The following CAST variants were observed in gnomAD, a reference collection of about 807,000 sequenced individuals.
CAST encodes the protein calpastatin.
CAST carries 76 observed loss-of-function variants against 119.6 expected under a neutral mutation model. The observed-to-expected ratio is 0.64, with a 90% CI of 0.53 to 0.77. The LOEUF (loss-of-function observed/expected upper bound fraction) is 0.77. Among genes scored for constraint, CAST ranks in the 30% least tolerant of loss-of-function variants. CAST has a pLI of 0.00. For missense variants in CAST, 953 were observed against 946.5 expected, an observed-to-expected ratio of 1.01 and a Z score of -0.09; for synonymous variants, 319 against 331.6, an observed-to-expected ratio of 0.96 and a Z score of 0.41.
intron 1 of CAST, among the ~76,000 whole-genome samples, chr5:96,632,735 A>G (rs1438839578): frequency 1.3e-5 from 2 of 151,812 alleles, no homozygotes; most frequent in Non-Finnish European, 2.9e-5. Context: ...GTCAAAATCA[A>G]TTGACCATAA....
At chr5:96,124,472 T>G in the CAST span, among the ~76,000 whole-genome samples, 107 of 152,348 alleles carry the variant, frequency 7.0e-4, no homozygotes, top group Middle Eastern at 0.014. Flanking sequence ...TTATTCTTCT[T>G]TTTAAACTCT....
the CAST span, among the ~76,000 whole-genome samples, chr5:96,335,396 T>C: frequency 6.6e-6 from 1 of 152,186 alleles, no homozygotes; most frequent in Non-Finnish European, 1.5e-5. Flanking sequence ...CCATGTTGCT[T>C]GTGTGCACCA....
chr5:96,429,260 G>A, the CAST span: 4 of 1,604,254 alleles, frequency 2.5e-6, no homozygotes, highest in African/African-American at 1.3e-5. Context: ...GCACTCCTTC[G>A]AGACCTTCTG....
At chr5:96,169,676 G>T in the CAST span, among the ~76,000 whole-genome samples, 1 of 152,092 alleles carries the variant, frequency 6.6e-6, no homozygotes, top group Non-Finnish European at 1.5e-5. Flanking sequence ...TAATGGGATG[G>T]TAAGGGGTGC....
At chr5:96,602,968 G>T (rs146400781) in intron 1 of CAST, among the ~76,000 whole-genome samples, 1 of 152,166 alleles carries the variant, frequency 6.6e-6, no homozygotes, top group Non-Finnish European at 1.5e-5. Flanking sequence ...TGTGTTCAAG[G>T]ACCAGGATGA....
chr5:96,036,335 A>G, the CAST span, among the ~76,000 whole-genome samples: 3 of 152,176 alleles, frequency 2.0e-5, no homozygotes, highest in Admixed American at 1.3e-4. Flanking sequence ...AAAACAAAAT[A>G]TAACAATATG....
intron 1 of CAST, among the ~76,000 whole-genome samples, chr5:96,600,979 T>C (rs1747139158): frequency 6.6e-6 from 1 of 152,176 alleles, no homozygotes; most frequent in Non-Finnish European, 1.5e-5. Context: ...TCTGTTTTCC[T>C]TCTGCTTTTC....
intron 1 of CAST, among the ~76,000 whole-genome samples, chr5:96,671,277 T>C (rs1363886205): frequency 6.6e-6 from 1 of 152,172 alleles, no homozygotes; most frequent in African/African-American, 2.4e-5. Flanking sequence ...CTGCTCTTCC[T>C]GTCTTTGGCC....
the CAST span, among the ~76,000 whole-genome samples, chr5:96,509,088 C>T: frequency 6.6e-6 from 1 of 152,122 alleles, no homozygotes; most frequent in Non-Finnish European, 1.5e-5. Context: ...AAAGTGAATC[C>T]TAAAATATTC....
At chr5:96,293,078 C>A in the CAST span, among the ~76,000 whole-genome samples, 1 of 152,340 alleles carries the variant, frequency 6.6e-6, no homozygotes, top group East Asian at 1.9e-4. Context: ...GGATTCAACC[C>A]TGTCATGTTG....
rs1428441871 is a variant in CAST at position 96,664,328 on chromosome 5, AAT to A, written c.75+1836_75+1837del. 9.9e-5 allele frequency among the ~76,000 whole-genome samples: 15 copies of A among 151,832 alleles called. No homozygotes were observed. The South Asian group carries it at 2.7e-3, about 27-fold the overall frequency. On this transcript the variant is annotated intron_variant, in intron 1 of 31. Coordinates refer to ENST00000675179, the MANE Select transcript of CAST (RefSeq NM_001750.7). ...ATATATATATTTACACATATATGTA[AAT>A]ATATGTGTGTGCATATATATGTAAA...
intron 1 of CAST, among the ~76,000 whole-genome samples, chr5:96,561,270 G>A (rs1192704878): frequency 6.6e-6 from 1 of 150,698 alleles, no homozygotes; most frequent in Non-Finnish European, 1.5e-5. Flanking sequence ...ATGAGTTAAT[G>A]GATGCAGCAC....
At chr5:96,218,781 A>G in the CAST span, among the ~76,000 whole-genome samples, 2 of 152,348 alleles carry the variant, frequency 1.3e-5, no homozygotes, top group South Asian at 2.1e-4. Context: ...GCTCACTTCA[A>G]TAAGGTCTGG....
chr5:96,728,433 A>G (rs139471972), intron 6 of CAST: 84 of 152,036 alleles, frequency 5.5e-4, no homozygotes, highest in African/African-American at 2.0e-3. Context: ...GATCTTCTCT[A>G]CTAACAAAGA....
intron 2 of CAST, among the ~76,000 whole-genome samples, chr5:96,683,216 GCT>G (rs1751662619): frequency 6.6e-6 from 1 of 152,156 alleles, no homozygotes; most frequent in Non-Finnish European, 1.5e-5. Flanking sequence ...ACATAAGCTT[GCT>G]CTGTTTCAGA....
chr5:96,097,184 A>C, the CAST span, among the ~76,000 whole-genome samples: 1 of 152,128 alleles, frequency 6.6e-6, no homozygotes, highest in African/African-American at 2.4e-5. Flanking sequence ...GAGCTTTCAT[A>C]GTTTGCTCAC....
chr5:96,379,591 C>A, the CAST span: 2 of 152,084 alleles, frequency 1.3e-5, no homozygotes, highest in African/African-American at 4.8e-5. Context: ...TACCACAGAA[C>A]CATTCTAGAT....
chr5:96,240,073 G>A, the CAST span, among the ~76,000 whole-genome samples: 25 of 152,208 alleles, frequency 1.6e-4, no homozygotes, highest in Middle Eastern at 3.4e-3. Context: ...TAGGTAACTT[G>A]TAAATTTTGC....
the CAST span, among the ~76,000 whole-genome samples, chr5:96,325,052 A>C: frequency 1.3e-3 from 196 of 152,208 alleles, 2 homozygotes; most frequent in South Asian, 1.7e-3. Context: ...TAAAAATACA[A>C]AAATTAGCTG....
Sources: allele counts gnomAD v4.1 joint callset (sites outside exome capture counted in the v4.1 genomes callset), GRCh38; gene constraint gnomAD v4.1.1; transcripts MANE v1.5; gene names NCBI Gene and HGNC (gene_info 2026-07-23, HGNC 2026-07-21).